Variants in LURAP1 observed in about 807,000 individuals in gnomAD.
LURAP1 encodes the protein leucine rich adaptor protein 1.
A neutral mutation model predicts 19.0 loss-of-function variants in LURAP1; 14 were observed. That is an observed-to-expected ratio of 0.74 (90% CI 0.49 to 1.15). LURAP1 has a LOEUF of 1.15. Ranked by LOEUF, LURAP1 falls within the 50% of genes most tolerant of loss-of-function variation. The probability of loss-of-function intolerance (pLI) is 0.00; values close to 1 mark genes in which losing one functional copy is unlikely to be tolerated. For synonymous variants in LURAP1, 129 were observed against 131.8 expected, an observed-to-expected ratio of 0.98 and a Z score of 0.14; for missense variants, 273 against 309.1, an observed-to-expected ratio of 0.88 and a Z score of 0.87.
At chr1:46,211,439 G>GCACACATACACA (rs764949785) in intron 1 of LURAP1, among the ~76,000 whole-genome samples, 1,585 of 78,996 alleles carry the variant, frequency 0.02, 34 homozygotes, top group African/African-American at 0.045. Flanking sequence ...ATGAAAACCT[G>GCACACATACACA]CACACACACA....
At chr1:46,209,334 A>G (rs1285996140) in intron 1 of LURAP1, among the ~76,000 whole-genome samples, 1 of 152,028 alleles carries the variant, frequency 6.6e-6, no homozygotes, top group Non-Finnish European at 1.5e-5. Context: ...AACACATTTT[A>G]TACTGCAAAA....
chr1:46,212,576 C>T (rs537894051), intron 1 of LURAP1, among the ~76,000 whole-genome samples: 18 of 151,530 alleles, frequency 1.2e-4, no homozygotes, highest in African/African-American at 4.4e-4. Context: ...CCACTGCACC[C>T]GGCCAAATTT....
chr1:46,216,043 C>CTTTTTTTTTTTT lies in LURAP1; in HGVS notation c.199-3644_199-3633dup, dbSNP rs141982741. Reference sequence around the variant, plus strand: ...AAAATAATTTCAACTTTTATTTTATCTTTTTTTTTTTTTTTTTTTTTTTGT... The same window carrying CTTTTTTTTTTTT: ...AAAATAATTTCAACTTTTATTTTATCTTTTTTTTTTTTTTTTTTTTTTTTTTTTTTTTTTTGT... On this transcript the variant is annotated intron_variant, in intron 1 of 1. Coordinates refer to ENST00000371980, the MANE Select transcript of LURAP1 (RefSeq NM_001013615.3). 2.9e-3 allele frequency among the ~76,000 whole-genome samples: 268 copies of CTTTTTTTTTTTT among 92,562 alleles called. 4 individuals are homozygous for CTTTTTTTTTTTT. The highest frequency in any genetic ancestry group is 9.8e-3 in the Middle Eastern group (1 of 102). The allele number at this position is 92,562 out of a possible 152,430, so 60.7% of individuals were successfully genotyped here.
Position 46,220,148 on chromosome 1 carries a change from TGA to T in LURAP1, c.652_653del (p.Ser218CysfsTer17). 1 of 1,614,018 alleles carries T rather than the reference TGA, an allele frequency of 6.2e-7. No homozygotes were observed. Among genetic ancestry groups the T allele is most frequent in the East Asian group, 2.2e-5 (1 of 44,882 alleles). On this transcript the variant is annotated frameshift_variant, in exon 2 of 2. Transcript: ENST00000371980. LOFTEE classifies it high-confidence loss of function. Reference protein sequence around the residue: ...QGGPPESPEDESAKLGFEAHW... With the variant: ...QGGPPESPEDXSAKLGFEAHW... ...GTGGACCACCTGAGTCACCAGAGGA[TGA>T]GAGTGCCAAGCTGGGCTTCGAGGCC...
At chr1:46,214,273 G>C (rs892575271) in intron 1 of LURAP1, among the ~76,000 whole-genome samples, 2 of 151,826 alleles carry the variant, frequency 1.3e-5, no homozygotes, top group African/African-American at 4.8e-5. Context: ...TTGAACCTGG[G>C]AGGTAGAGGT....
At chr1:46,212,653 T>G (rs1400436553) in intron 1 of LURAP1, among the ~76,000 whole-genome samples, 1 of 152,170 alleles carries the variant, frequency 6.6e-6, no homozygotes, top group East Asian at 1.9e-4. Flanking sequence ...CTCAGCTCAC[T>G]GTAACCTCTG....
chr1:46,211,383 A>T (rs1490188433), intron 1 of LURAP1, among the ~76,000 whole-genome samples: 3 of 151,920 alleles, frequency 2.0e-5, no homozygotes. Context: ...CAGCATTATA[A>T]CAAACACTGT....
At chr1:46,204,709 C>T (rs1658659272) in intron 1 of LURAP1, among the ~76,000 whole-genome samples, 1 of 152,190 alleles carries the variant, frequency 6.6e-6, no homozygotes, top group African/African-American at 2.4e-5. Context: ...GCCAAGTGTG[C>T]ACTTGGCCTT....
intron 1 of LURAP1, among the ~76,000 whole-genome samples, chr1:46,215,041 A>G (rs1374894706): frequency 6.6e-6 from 1 of 151,996 alleles, no homozygotes; most frequent in Admixed American, 6.6e-5. Context: ...CCTGGCTAAC[A>G]TGGTGAAACC....
intron 1 of LURAP1, among the ~76,000 whole-genome samples, chr1:46,205,177 G>C (rs1658672086): frequency 6.6e-6 from 1 of 152,164 alleles, no homozygotes; most frequent in Admixed American, 6.5e-5. Context: ...AGGATCACTT[G>C]AGCCCAGGAA....
intron 1 of LURAP1, 31 bp from the exon 2 acceptor site, chr1:46,219,668 C>A: frequency 6.5e-7 from 1 of 1,540,740 alleles, no homozygotes; most frequent in Non-Finnish European, 8.7e-7. Flanking sequence ...TGCCCCAGAA[C>A]TGGGACTAAT....
chr1:46,212,618 C>T (rs1025447293), intron 1 of LURAP1, among the ~76,000 whole-genome samples: 8 of 151,944 alleles, frequency 5.3e-5, no homozygotes, highest in Middle Eastern at 3.4e-3. Flanking sequence ...GCTCTGTCAC[C>T]CAAGCTATAG....
Position 46,205,947 on chromosome 1 carries a change from G to T in LURAP1, c.198+2323G>T, listed in dbSNP as rs187990015. On this transcript the variant is annotated intron_variant, in intron 1 of 1. Transcript: ENST00000371980. ...CTCTCCCAGCTCTCCTTGCACAAAG[G>T]GGGAAGGCCTACCCTTGAGGCCAAG... Among the ~76,000 whole-genome samples, 362 of 152,328 alleles carry T rather than the reference G, an allele frequency of 2.4e-3. 2 individuals carry two copies. The highest frequency in any genetic ancestry group is 8.4e-3 in the African/African-American group (351 of 41,572).
chr1:46,208,597 T>C (rs1350287139), intron 1 of LURAP1, among the ~76,000 whole-genome samples: 1 of 151,998 alleles, frequency 6.6e-6, no homozygotes, highest in Non-Finnish European at 1.5e-5. Flanking sequence ...AATCCCAGCA[T>C]TTTGGGAGGC....
intron 1 of LURAP1, among the ~76,000 whole-genome samples, chr1:46,216,400 G>T (rs1408360543): frequency 1.3e-5 from 2 of 152,010 alleles, no homozygotes; most frequent in Non-Finnish European, 2.9e-5. Flanking sequence ...TGGGTGCAGT[G>T]GCACCACCAT....
At chr1:46,209,917 A>C (rs1658841147) in intron 1 of LURAP1, among the ~76,000 whole-genome samples, 1 of 152,050 alleles carries the variant, frequency 6.6e-6, no homozygotes, top group African/African-American at 2.4e-5. Context: ...TAGTATGAGG[A>C]GCTTTGTTTA....
intron 1 of LURAP1, among the ~76,000 whole-genome samples, chr1:46,213,159 ATATT>A (rs1658956560): frequency 6.6e-6 from 1 of 151,898 alleles, no homozygotes; most frequent in Non-Finnish European, 1.5e-5. Context: ...ACATACACAA[ATATT>A]TATATGATGT....
intron 1 of LURAP1, among the ~76,000 whole-genome samples, chr1:46,206,034 T>G (rs772124326): frequency 6.6e-6 from 1 of 152,162 alleles, no homozygotes; most frequent in Non-Finnish European, 1.5e-5. Context: ...ATTCAAAGGT[T>G]GAGTGAACAA....
At chr1:46,216,764 C>T (rs928371413) in intron 1 of LURAP1, among the ~76,000 whole-genome samples, 4 of 152,210 alleles carry the variant, frequency 2.6e-5, no homozygotes, top group African/African-American at 9.6e-5. Context: ...TAGTACCCAA[C>T]AAATAATTTT....
Sources: gnomAD v4.1 joint callset for allele counts (sites outside exome capture counted in the v4.1 genomes callset) on GRCh38, gnomAD v4.1.1 for gene constraint, MANE v1.5 for transcripts, NCBI Gene and HGNC (gene_info 2026-07-23, HGNC 2026-07-21) for gene names.